The following TNNT1 variants were observed in gnomAD, a reference collection of about 807,000 sequenced individuals.
The protein encoded by TNNT1 is troponin T1, slow skeletal type.
In TNNT1, 53 loss-of-function variants were observed where a neutral mutation model predicts 50.6. The observed-to-expected ratio is 1.05, with a 90% CI of 0.84 to 1.32. The LOEUF is 1.32. Among genes scored for constraint, TNNT1 ranks in the 40% most tolerant of loss-of-function variants. TNNT1 has a pLI of 0.00. For synonymous variants in TNNT1, 142 were observed against 138.0 expected (o/e 1.03, Z -0.20); for missense variants, 348 against 381.7 (o/e 0.91, Z 0.74).
intron 8 of TNNT1, 21 bp from the exon 9 acceptor site, chr19:55,140,981 A>C: frequency 6.2e-7 from 1 of 1,613,290 alleles, no homozygotes; most frequent in Non-Finnish European, 8.5e-7. Flanking sequence ...GAGAAGCATA[A>C]GGGGGTGCAG....
At chr19:55,145,456 C>G (rs372298421) in intron 6 of TNNT1, 88 bp downstream of exon 6, 3 of 1,336,734 alleles carry the variant, frequency 2.2e-6, no homozygotes, top group Non-Finnish European at 3.2e-6. Flanking sequence ...CTCCCTCCAT[C>G]TCTGCCTTTC....
chr19:55,140,794 G>C, intron 9 of TNNT1, 89 bp downstream of exon 9: 3 of 707,382 alleles, frequency 4.2e-6, no homozygotes, highest in Non-Finnish European at 2.1e-6. Flanking sequence ...AATAATAATA[G>C]TAATAATAAT....
chr19:55,148,472 A>G (rs1287449018), intron 1 of TNNT1, among the ~76,000 whole-genome samples: 1 of 151,946 alleles, frequency 6.6e-6, no homozygotes, highest in Non-Finnish European at 1.5e-5. Context: ...CAATACCCAC[A>G]GATTCTGAGA....
At chr19:55,138,177 C>A in intron 9 of TNNT1, 103 bp from the exon 10 acceptor site, 1 of 1,592,242 alleles carries the variant, frequency 6.3e-7, no homozygotes, top group Non-Finnish European at 8.6e-7. Flanking sequence ...GACCCAGTGC[C>A]GCAGAGGCTG....
rs2085440983 is a variant in TNNT1 at position 55,140,957 on chromosome 19, G to A, written c.313C>T (p.Arg105Trp). The change falls in exon 9 of 14, where the codon CGG becomes TGG. Residue 105 changes from arginine to tryptophan, a missense_variant. Arg to Trp is a moderately radical substitution (Grantham distance 101). This residue lies in a region of TNNT1 where 253 missense variants were observed against 291.8 expected (regional missense o/e 0.87). Transcript: ENST00000588981. ...TGCTCGGCTCTCTCTGACCGGCGCC[G>A]CTCCTGGGAAACGGAGAAGCATAAG... ...ELVALKERIE[R>W]RRSERAEQQR... The A allele has an allele frequency of 5.6e-6, 9 of 1,613,402 alleles. No individual in the cohort carries two copies. The highest frequency in any genetic ancestry group is 1.7e-5 in the Admixed American group (1 of 59,984).
At chr19:55,142,284 C>G in intron 6 of TNNT1, among the ~76,000 whole-genome samples, 1 of 150,454 alleles carries the variant, frequency 6.6e-6, no homozygotes, top group African/African-American at 2.5e-5. Flanking sequence ...CCAAGCCTGG[C>G]TAATTTTTCT....
chr19:55,132,895 C>T lies in TNNT1; in HGVS notation c.*20G>A. Reference sequence around the variant, plus strand: ...AAACACTCCCAGGCTTCCCAGGTGCCACTGTCCGGGGCGGCATCCTCACTT... The same window carrying T: ...AAACACTCCCAGGCTTCCCAGGTGCTACTGTCCGGGGCGGCATCCTCACTT... On this transcript the variant is annotated 3_prime_UTR_variant, in exon 14 of 14. Coordinates refer to ENST00000588981, the MANE Select transcript of TNNT1 (RefSeq NM_003283.6). 1 of 1,596,272 alleles carries T rather than the reference C, an allele frequency of 6.3e-7. No individual in the cohort carries two copies.
chr19:55,147,236 T>C (rs2085577710), intron 1 of TNNT1, 68 bp from the exon 2 acceptor site: 1 of 1,503,860 alleles, frequency 6.6e-7, no homozygotes. Context: ...GACTCCTGGG[T>C]GTGAGGGAGG....
At chr19:55,141,382 G>T in intron 7 of TNNT1, 80 bp from the exon 8 acceptor site, 1 of 1,053,582 alleles carries the variant, frequency 9.5e-7, no homozygotes, top group Non-Finnish European at 1.5e-6. Flanking sequence ...ATGCAGGATG[G>T]TGAACTGAAC....
At chr19:55,142,112 GGTT>G in intron 6 of TNNT1, 192 bp from the exon 7 acceptor site, 1 of 585,572 alleles carries the variant, frequency 1.7e-6, no homozygotes, top group Non-Finnish European at 3.1e-6. Flanking sequence ...ATGTTTTTTT[GGTT>G]GTTGTTGGTT....
At chr19:55,147,094 C>T in intron 2 of TNNT1, 32 bp downstream of exon 2, 1 of 1,613,634 alleles carries the variant, frequency 6.2e-7, no homozygotes, top group Non-Finnish European at 8.5e-7. Context: ...TCCACCACTG[C>T]ACGCCCCAAC....
intron 9 of TNNT1, among the ~76,000 whole-genome samples, chr19:55,138,621 AAGG>A (rs1215437907): frequency 3.9e-5 from 6 of 152,070 alleles, no homozygotes; most frequent in South Asian, 2.1e-4. Flanking sequence ...AATCGAAATG[AAGG>A]AGAAGAAGAA....
intron 6 of TNNT1, 172 bp from the exon 7 acceptor site, chr19:55,142,092 C>G (rs532588740): frequency 3.1e-6 from 2 of 638,048 alleles, no homozygotes; most frequent in Non-Finnish European, 2.8e-6. Flanking sequence ...GGTAAAATAC[C>G]TCACTACTCA....
intron 5 of TNNT1, 86 bp downstream of exon 5, chr19:55,146,348 T>G (rs1599893605): frequency 1.9e-5 from 17 of 887,414 alleles, no homozygotes; most frequent in South Asian, 6.4e-5. Context: ...GAGGGAAGGG[T>G]GGTCTTGGAG....
intron 13 of TNNT1, among the ~76,000 whole-genome samples, chr19:55,133,321 AGAG>A (rs1290119381): frequency 1.3e-5 from 2 of 151,738 alleles, no homozygotes; most frequent in Admixed American, 6.6e-5. Flanking sequence ...AAATGGGAGA[AGAG>A]GAGAAGGGAG....
chr19:55,134,264 C>T (rs1479187861), intron 11 of TNNT1, 60 bp from the exon 12 acceptor site: 47 of 1,501,012 alleles, frequency 3.1e-5, no homozygotes, highest in Non-Finnish European at 4.1e-5. Context: ...CACCCAAAGC[C>T]ACACAGCGAG....
intron 6 of TNNT1, 182 bp from the exon 7 acceptor site, chr19:55,142,102 A>C: frequency 1.6e-6 from 1 of 610,202 alleles, no homozygotes; most frequent in Non-Finnish European, 2.9e-6. Context: ...CTCACTACTC[A>C]TGTTTTTTTG....
At position 55,141,146 on chromosome 19, in the gene TNNT1, G is replaced by A. The variant is rs754449977; in HGVS notation, c.309+40C>T. On this transcript the variant is annotated intron_variant, in intron 8 of 13. Transcript: ENST00000588981. Reference sequence around the variant, plus strand: ...TCCCAAGATGCAAGGGATCCACATGGAGGGAGGAAGACCGGGGGGAACCCG... The same window carrying A: ...TCCCAAGATGCAAGGGATCCACATGAAGGGAGGAAGACCGGGGGGAACCCG... 3 of 1,558,980 alleles carry A rather than the reference G, an allele frequency of 1.9e-6. No individual in the cohort carries two copies. In the East Asian group the frequency reaches 6.7e-5, roughly 35 times the overall value.
intron 6 of TNNT1, among the ~76,000 whole-genome samples, chr19:55,144,462 CTCCAAA>C (rs2085511990): frequency 6.6e-6 from 1 of 152,194 alleles, no homozygotes; most frequent in Non-Finnish European, 1.5e-5. Context: ...TCACTGCAGC[CTCCAAA>C]TCCTGGGTTC....
Sources: gnomAD v4.1 joint callset for allele counts (sites outside exome capture counted in the v4.1 genomes callset) on GRCh38, gnomAD v4.1.1 for gene constraint, gnomAD v4.1.1 regional missense constraint, MANE v1.5 for transcripts, NCBI Gene and HGNC (gene_info 2026-07-23, HGNC 2026-07-21) for gene names.